Variants in MYOM1 observed in about 807,000 individuals in gnomAD.
The protein encoded by MYOM1 is myomesin-1.
In MYOM1, 164 loss-of-function variants were observed where a neutral mutation model predicts 205.3. That is an observed-to-expected ratio of 0.80 (90% confidence interval 0.70 to 0.91). The LOEUF (loss-of-function observed/expected upper bound fraction) is 0.91, where lower values mean the gene tolerates loss of function less well. Ranked by LOEUF, MYOM1 falls within the 40% of genes least tolerant of loss-of-function variation. MYOM1 has a pLI of 0.00. For missense variants in MYOM1, 2,011 were observed against 2,127.3 expected (o/e 0.95, Z 1.08); for synonymous variants, 772 against 789.4 (o/e 0.98, Z 0.37).
At chr18:3,126,109 A>G (rs1162755224) in intron 19 of MYOM1, among the ~76,000 whole-genome samples, 1 of 152,062 alleles carries the variant, frequency 6.6e-6, no homozygotes, top group African/African-American at 2.4e-5. Flanking sequence ...TACTAAAAAT[A>G]GAAAATTTAG....
intron 25 of MYOM1, among the ~76,000 whole-genome samples, chr18:3,099,333 G>A (rs934464519): frequency 1.3e-5 from 2 of 152,216 alleles, no homozygotes; most frequent in Non-Finnish European, 2.9e-5. Context: ...TACAAAGGCT[G>A]TTTGTCCATA....
the MYOM1 span, among the ~76,000 whole-genome samples, chr18:3,232,074 A>G: frequency 3.9e-5 from 6 of 152,072 alleles, no homozygotes; most frequent in East Asian, 1.2e-3. Context: ...TCACACCTGT[A>G]ATCCCAGCAC....
intron 11 of MYOM1, among the ~76,000 whole-genome samples, chr18:3,154,007 G>A (rs76001758): frequency 0.02 from 3,102 of 152,242 alleles, 52 homozygotes; most frequent in Non-Finnish European, 0.035. Context: ...ATATAGACAA[G>A]AACTTATAGA....
chr18:3,113,139 T>G (rs2079552296), intron 21 of MYOM1, among the ~76,000 whole-genome samples: 1 of 151,450 alleles, frequency 6.6e-6, no homozygotes, highest in Non-Finnish European at 1.5e-5. Context: ...AAAAAAGCAT[T>G]TATAATTTAT....
chr18:3,090,874 A>T, intron 26 of MYOM1, 72 bp from the exon 27 acceptor site: 2 of 1,581,610 alleles, frequency 1.3e-6, no homozygotes, highest in South Asian at 2.3e-5. Context: ...AACAAGCTTG[A>T]TGAAATAAAA....
chr18:3,081,272 C>T (rs1240636511), intron 33 of MYOM1, among the ~76,000 whole-genome samples: 2 of 152,094 alleles, frequency 1.3e-5, no homozygotes, highest in Non-Finnish European at 2.9e-5. Context: ...GGAATAGGTA[C>T]TATTGGTCCT....
chr18:3,150,106 C>T (rs2080195949), intron 12 of MYOM1, among the ~76,000 whole-genome samples: 1 of 152,112 alleles, frequency 6.6e-6, no homozygotes, highest in Admixed American at 6.6e-5. Flanking sequence ...GTCGCCTAGG[C>T]TGGAGTGCAG....
At chr18:3,115,434 A>G (rs1351029068) in intron 21 of MYOM1, among the ~76,000 whole-genome samples, 2 of 152,148 alleles carry the variant, frequency 1.3e-5, no homozygotes, top group African/African-American at 4.8e-5. Flanking sequence ...TTCATGAGGC[A>G]GGTCAGGGAG....
At chr18:3,230,475 G>C in the MYOM1 span, among the ~76,000 whole-genome samples, 7 of 152,228 alleles carry the variant, frequency 4.6e-5, no homozygotes, top group African/African-American at 1.7e-4. Flanking sequence ...GTCCCCTCTG[G>C]GAGACAATCA....
At chr18:3,246,771 C>G in the MYOM1 span, 3 of 152,314 alleles carry the variant, frequency 2.0e-5, no homozygotes, top group Non-Finnish European at 4.4e-5. Context: ...TCACTGTCCC[C>G]TAGTGCTGGG....
intron 22 of MYOM1, among the ~76,000 whole-genome samples, chr18:3,110,713 T>C (rs568524594): frequency 1.4e-5 from 2 of 147,696 alleles, no homozygotes; most frequent in South Asian, 2.2e-4. Flanking sequence ...TATGTTCAGG[T>C]ACCCAGCCTA....
chr18:3,134,080 AAACTCCTGGGCTCAAGCAG>A (rs2079915952), intron 16 of MYOM1, among the ~76,000 whole-genome samples: 1 of 47,148 alleles, frequency 2.1e-5, no homozygotes, highest in African/African-American at 1.1e-4. Flanking sequence ...GGCTGGTCTC[AAACTCCTGGGCTCAAGCAG>A]GTCTCAAACT....
At chr18:3,164,857 G>C (rs529821263) in intron 9 of MYOM1, among the ~76,000 whole-genome samples, 20 of 152,298 alleles carry the variant, frequency 1.3e-4, no homozygotes, top group African/African-American at 4.3e-4. Context: ...ACTAGTAGGA[G>C]ACCTTGATTG....
intron 2 of MYOM1, among the ~76,000 whole-genome samples, chr18:3,199,242 T>C (rs951581371): frequency 1.3e-5 from 2 of 152,052 alleles, no homozygotes; most frequent in Non-Finnish European, 2.9e-5. Context: ...AGCAGCACTG[T>C]GAATAACAGT....
intron 34 of MYOM1, 128 bp downstream of exon 34, chr18:3,079,051 C>A: frequency 1.4e-6 from 1 of 733,270 alleles, no homozygotes; most frequent in Non-Finnish European, 2.1e-6. Context: ...GACTTCAAGT[C>A]ATCCTCCTGC....
chr18:3,116,641 C>T, intron 20 of MYOM1, 126 bp from the exon 21 acceptor site: 1 of 878,176 alleles, frequency 1.1e-6, no homozygotes, highest in Non-Finnish European at 1.6e-6. Flanking sequence ...ATCTAGCTTT[C>T]CCATGAAAAA....
intron 27 of MYOM1, among the ~76,000 whole-genome samples, chr18:3,090,119 A>C (rs1046724564): frequency 1.3e-5 from 2 of 152,218 alleles, no homozygotes; most frequent in African/African-American, 4.8e-5. Context: ...ATTTAAACGC[A>C]GTCTTGCCTG....
chr18:3,221,780 C>G (rs747307027), upstream of MYOM1, among the ~76,000 whole-genome samples: 3 of 152,234 alleles, frequency 2.0e-5, no homozygotes, highest in African/African-American at 4.8e-5. Flanking sequence ...TGAAATTCAA[C>G]CTGGAATTTC....
At chr18:3,148,063 A>G (rs1298037863) in intron 13 of MYOM1, among the ~76,000 whole-genome samples, 1 of 152,226 alleles carries the variant, frequency 6.6e-6, no homozygotes, top group Non-Finnish European at 1.5e-5. Flanking sequence ...AATGGCTAAA[A>G]TTGAAAAGAC....
Sources: allele counts gnomAD v4.1 joint callset (sites outside exome capture counted in the v4.1 genomes callset), GRCh38; gene constraint gnomAD v4.1.1; transcripts MANE v1.5; gene names NCBI Gene and HGNC (gene_info 2026-07-23, HGNC 2026-07-21).